Variants in PTPRN2 observed in about 807,000 individuals in gnomAD.
PTPRN2 encodes the protein protein tyrosine phosphatase receptor type N2, also known as receptor-type tyrosine-protein phosphatase N2.
PTPRN2 carries 74 observed loss-of-function variants against 118.8 expected under a neutral mutation model. The observed-to-expected ratio is 0.62, with a 90% CI of 0.52 to 0.76. PTPRN2 has a LOEUF of 0.76. Among genes scored for constraint, PTPRN2 ranks in the 30% least tolerant of loss-of-function variants. PTPRN2 has a pLI of 0.00. For missense variants in PTPRN2, 1,481 were observed against 1,394.4 expected, an observed-to-expected ratio of 1.06 and a Z score of -0.99; for synonymous variants, 641 against 608.0, an observed-to-expected ratio of 1.05 and a Z score of -0.80.
chr7:158,385,692 G>A (rs906390068), intron 2 of PTPRN2, among the ~76,000 whole-genome samples: 3 of 152,138 alleles, frequency 2.0e-5, no homozygotes, highest in African/African-American at 7.2e-5. Flanking sequence ...CACAAGTTCA[G>A]GCCTGCTACT....
intron 3 of PTPRN2, among the ~76,000 whole-genome samples, chr7:158,277,756 G>A (rs1277121945): frequency 6.6e-6 from 1 of 152,200 alleles, no homozygotes; most frequent in Non-Finnish European, 1.5e-5. Context: ...CCGGGGTTGT[G>A]GTCAGGCCAC....
rs1795624945 is a variant in PTPRN2 at position 157,874,806 on chromosome 7, GACACACTCAT to G, written c.1788+23857_1788+23866del. On this transcript the variant is annotated intron_variant, in intron 12 of 22. Transcript: ENST00000389418. This position sits in a 1 kb window ranked among gnomAD's most constrained non-coding sequence, Gnocchi z 5.8. ...ACACTCATACACATATACACACAGA[GACACACTCAT>G]GGACACACACAGAGACACACTCATG... Among the ~76,000 whole-genome samples the G allele has an allele frequency of 1.0e-4, 11 of 109,306 alleles. No individual in the cohort carries two copies. In the Admixed American group the frequency reaches 1.1e-3, roughly 11 times the overall value. 71.7% of individuals were successfully genotyped at this position (109,306 alleles called of 152,430 possible). A position where few individuals can be genotyped will look rare whatever the true frequency, so the allele number is the denominator to read the frequency against.
chr7:157,755,108 A>T lies in PTPRN2; in HGVS notation c.1789-72171T>A, dbSNP rs533279532. 3.9e-4 allele frequency among the ~76,000 whole-genome samples: 59 copies of T among 151,956 alleles called. 1 individual carries two copies. The highest frequency in any genetic ancestry group is 1.3e-3 in the African/African-American group (55 of 41,452). On this transcript the variant is annotated intron_variant, in intron 12 of 22. Coordinates refer to ENST00000389418, the MANE Select transcript of PTPRN2 (RefSeq NM_002847.5). ...TCCATGTTGCCCAGGCTGGTCTCAA[A>T]CTCCTGGGCTCAGCAATCTGCCTGC... is the stretch of plus-strand genomic sequence containing the variant.
At chr7:157,613,111 A>G (rs1802484769) in intron 15 of PTPRN2, among the ~76,000 whole-genome samples, 1 of 152,128 alleles carries the variant, frequency 6.6e-6, no homozygotes, top group Non-Finnish European at 1.5e-5. Flanking sequence ...CCGGAGGGAC[A>G]GGCCCGGCCC....
intron 2 of PTPRN2, among the ~76,000 whole-genome samples, chr7:158,342,654 C>G (rs189254770): frequency 6.6e-6 from 1 of 152,172 alleles, no homozygotes; most frequent in Non-Finnish European, 1.5e-5. Flanking sequence ...TCAGTCAGTC[C>G]TTATGATAAC....
At chr7:157,798,803 T>C (rs1231737141) in intron 12 of PTPRN2, among the ~76,000 whole-genome samples, 2 of 144,358 alleles carry the variant, frequency 1.4e-5, no homozygotes, top group African/African-American at 5.0e-5. Context: ...TTAAACTCAA[T>C]CAGCAGATGC....
At chr7:158,171,549 C>T (rs1022267716) in intron 5 of PTPRN2, among the ~76,000 whole-genome samples, 8 of 151,950 alleles carry the variant, frequency 5.3e-5, no homozygotes, top group African/African-American at 1.9e-4. Context: ...TGGGGTTTCA[C>T]CATGTTGGTC....
At position 157,831,986 on chromosome 7, in the gene PTPRN2, G is replaced by T. The variant is rs183604098; in HGVS notation, c.1788+66687C>A. On this transcript the variant is annotated intron_variant, in intron 12 of 22. Transcript: ENST00000389418. This position sits in a 1 kb window ranked among gnomAD's most constrained non-coding sequence, Gnocchi z 4.8. ...TGCTTCGTCTGCATGAGGAGTGACG[G>T]CTGGGCTGCTGATGGCCCTGAGGGG... Among the ~76,000 whole-genome samples, 1 of 152,226 alleles carries T rather than the reference G, an allele frequency of 6.6e-6. No homozygotes were observed. The highest frequency in any genetic ancestry group is 1.5e-5 in the Non-Finnish European group (1 of 68,036).
chr7:157,737,667 T>G (rs926362093), intron 12 of PTPRN2, among the ~76,000 whole-genome samples: 11 of 152,146 alleles, frequency 7.2e-5, no homozygotes, highest in Non-Finnish European at 1.6e-4. Context: ...GGGTTTGCTT[T>G]CCCCAGAATG....
At chr7:157,705,364 A>C (rs757581110) in intron 12 of PTPRN2, among the ~76,000 whole-genome samples, 3 of 152,192 alleles carry the variant, frequency 2.0e-5, no homozygotes, top group Non-Finnish European at 4.4e-5. Flanking sequence ...TGAAGCCCAG[A>C]GTGACAAGGT....
intron 11 of PTPRN2, among the ~76,000 whole-genome samples, chr7:158,012,651 A>G (rs1293708371): frequency 2.0e-5 from 3 of 152,188 alleles, no homozygotes; most frequent in Non-Finnish European, 4.4e-5. Context: ...GTCGGGGCTA[A>G]TATGGGGACT....
intron 2 of PTPRN2, among the ~76,000 whole-genome samples, chr7:158,372,520 C>A (rs9690061): frequency 7.0e-6 from 1 of 143,508 alleles, no homozygotes; most frequent in Non-Finnish European, 1.5e-5. Flanking sequence ...GTACCCGGAG[C>A]TGGTCCCCCC....
chr7:158,034,013 C>T (rs1052065441), intron 11 of PTPRN2, among the ~76,000 whole-genome samples: 13 of 150,652 alleles, frequency 8.6e-5, no homozygotes, highest in South Asian at 2.1e-4. Context: ...CCTGGGCGAG[C>T]GTCCCTGGTC....
intron 1 of PTPRN2, among the ~76,000 whole-genome samples, chr7:158,581,706 C>A (rs1016281836): frequency 3.9e-5 from 6 of 152,106 alleles, no homozygotes; most frequent in Non-Finnish European, 8.8e-5. Context: ...TTAGAGGGAA[C>A]AGACAAAAAC....
At chr7:157,657,057 C>T (rs1387760970) in intron 13 of PTPRN2, among the ~76,000 whole-genome samples, 1 of 141,994 alleles carries the variant, frequency 7.0e-6, no homozygotes, top group African/African-American at 2.7e-5. Flanking sequence ...ACATACACCA[C>T]ACACACCACA....
intron 2 of PTPRN2, among the ~76,000 whole-genome samples, chr7:158,332,373 A>T (rs370935880): frequency 9.3e-5 from 12 of 128,910 alleles, no homozygotes; most frequent in Non-Finnish European, 1.8e-4. Flanking sequence ...TCACCATAAG[A>T]GGTGACACCT....
At position 157,703,211 on chromosome 7, in the gene PTPRN2, C is replaced by T. The variant is rs115148709; in HGVS notation, c.1789-20274G>A. ...TGAGCGCCACTGGACCTGGTGACTCCACTCCGATGCCTGGAGGACAGCAAA... is the reference window on the plus strand; with the variant it reads ...TGAGCGCCACTGGACCTGGTGACTCTACTCCGATGCCTGGAGGACAGCAAA... On this transcript the variant is annotated intron_variant, in intron 12 of 22. Transcript: ENST00000389418. Among the ~76,000 whole-genome samples the T allele has an allele frequency of 3.2e-3, 493 of 152,324 alleles. 2 individuals carry two copies. The highest frequency in any genetic ancestry group is 0.011 in the African/African-American group (470 of 41,564).
intron 2 of PTPRN2, among the ~76,000 whole-genome samples, chr7:158,365,836 G>GCAAACA (rs1554480254): frequency 6.8e-5 from 1 of 14,740 alleles, no homozygotes; most frequent in African/African-American, 9.5e-5. Context: ...GTGCATGCGT[G>GCAAACA]CACACACACA....
chr7:157,998,129 G>A (rs1231359692), intron 11 of PTPRN2, among the ~76,000 whole-genome samples: 1 of 151,266 alleles, frequency 6.6e-6, no homozygotes, highest in Non-Finnish European at 1.5e-5. Context: ...GTGGGGCTGG[G>A]GGAGAGGAAT....
Sources: allele counts gnomAD v4.1 joint callset (sites outside exome capture counted in the v4.1 genomes callset), GRCh38; gene constraint gnomAD v4.1.1; non-coding constraint Gnocchi (gnomAD v3.1); transcripts MANE v1.5; gene names NCBI Gene and HGNC (gene_info 2026-07-23, HGNC 2026-07-21).